Variants in DOCK9 observed in about 807,000 individuals in gnomAD.
DOCK9 encodes dedicator of cytokinesis 9.
Under a neutral mutation model 263.3 loss-of-function variants are expected in DOCK9, and 89 were observed. The ratio of observed to expected loss-of-function variants is 0.34; its 90% confidence interval spans 0.28 to 0.40. The LOEUF (loss-of-function observed/expected upper bound fraction) is 0.40, where lower values mean the gene tolerates loss of function less well. Ranked by LOEUF, DOCK9 falls within the 10% of genes least tolerant of loss-of-function variation. The probability of loss-of-function intolerance (pLI) is 1.00; values close to 1 mark genes in which losing one functional copy is unlikely to be tolerated. For missense variants in DOCK9, 2,140 were observed against 2,603.4 expected (o/e 0.82, Z 3.87); for synonymous variants, 976 against 973.1 (o/e 1.00, Z -0.06).
chr13:98,829,179 T>C lies in DOCK9; in HGVS notation c.4965+128A>G, dbSNP rs1367980813. 1 of 826,340 alleles carries C rather than the reference T, an allele frequency of 1.2e-6. No individual in the cohort carries two copies. Among genetic ancestry groups the C allele is most frequent in the Non-Finnish European group, 1.9e-6 (1 of 536,542 alleles). The allele number at this position is 826,340 out of a possible 1,614,324, so 51.2% of individuals were successfully genotyped here. A position where few individuals can be genotyped will look rare whatever the true frequency, so the allele number is the denominator to read the frequency against. Reference sequence around the variant, plus strand: ...AAGTCACCCTAAGCTTCATACTGTTTAAAGTTTTGCATACTTTTAATTGGT... The same window carrying C: ...AAGTCACCCTAAGCTTCATACTGTTCAAAGTTTTGCATACTTTTAATTGGT... On this transcript the variant is annotated intron_variant, in intron 43 of 52. Transcript: ENST00000682017. The surrounding 1 kb of genome is among the most constrained non-coding windows in gnomAD (Gnocchi z 4.1).
chr13:98,834,225 G>A (rs2092896187), intron 39 of DOCK9, among the ~76,000 whole-genome samples: 1 of 152,174 alleles, frequency 6.6e-6, no homozygotes. Context: ...CAGGAACACA[G>A]AGGAAAACAA....
intron 1 of DOCK9, among the ~76,000 whole-genome samples, chr13:98,964,320 A>G (rs930717722): frequency 6.6e-6 from 1 of 152,204 alleles, no homozygotes; most frequent in Non-Finnish European, 1.5e-5. Context: ...AGCACCCAGC[A>G]TAGCAGAAGC....
At position 98,825,719 on chromosome 13, in the gene DOCK9, C is replaced by G. The variant is rs2296985; in HGVS notation, c.5023+1111G>C. On this transcript the variant is annotated intron_variant, in intron 44 of 52. Coordinates refer to ENST00000682017, the MANE Select transcript of DOCK9 (RefSeq NM_001366683.2). This position sits in a 1 kb window ranked among gnomAD's most constrained non-coding sequence, Gnocchi z 4.1. ...CCAAGGTGCTTTCCTCTTGTGCCCA[C>G]AGGAATAGACCAGCCAACCAGAGAG... Among the ~76,000 whole-genome samples, 53,971 of 152,068 alleles carry G rather than the reference C, an allele frequency of 0.35. 11,100 individuals carry two copies. The highest frequency in any genetic ancestry group is 0.67 in the East Asian group (3,478 of 5,156).
At chr13:98,974,667 T>C (rs1472729139) in intron 1 of DOCK9, among the ~76,000 whole-genome samples, 1 of 140,572 alleles carries the variant, frequency 7.1e-6, no homozygotes, top group Non-Finnish European at 1.5e-5. Context: ...GGAGAATCGC[T>C]TGAACTCAGG....
At chr13:98,847,652 A>C (rs1447571172) in intron 37 of DOCK9, 3 of 152,228 alleles carry the variant, frequency 2.0e-5, no homozygotes, top group African/African-American at 7.2e-5. Context: ...GTCTACTAAA[A>C]ATCTCTGGCC....
intron 2 of DOCK9, among the ~76,000 whole-genome samples, chr13:98,940,561 G>C (rs966628673): frequency 1.3e-5 from 2 of 152,148 alleles, no homozygotes; most frequent in African/African-American, 4.8e-5. Flanking sequence ...ACTGCAGCTA[G>C]CTGGGCTGAG....
chr13:98,908,772 A>T (rs1218171879), intron 9 of DOCK9, among the ~76,000 whole-genome samples: 1 of 152,234 alleles, frequency 6.6e-6, no homozygotes, highest in East Asian at 1.9e-4. Context: ...GTGGGAATGG[A>T]GGATGAAGGG....
chr13:99,059,278 T>G (rs1316112582), intron 1 of DOCK9, among the ~76,000 whole-genome samples: 1 of 152,182 alleles, frequency 6.6e-6, no homozygotes, highest in Non-Finnish European at 1.5e-5. Flanking sequence ...AACACCTCAA[T>G]GGGCCTGTTC....
intron 45 of DOCK9, among the ~76,000 whole-genome samples, chr13:98,810,982 T>G (rs533435294): frequency 3.3e-5 from 5 of 152,352 alleles, no homozygotes; most frequent in Admixed American, 2.0e-4. Context: ...CTTGGAATTC[T>G]AAGAAATGCT....
Position 98,867,951 on chromosome 13 carries a change from A to G in DOCK9, c.3151T>C (p.Cys1051Arg), listed in dbSNP as rs2094081289. The change falls in exon 29 of 53, where the codon TGT (cysteine) becomes CGT (arginine). Residue 1051 changes from cysteine to arginine, a missense_variant. Cys to Arg is a radical substitution (Grantham distance 180, BLOSUM62 -3). This residue lies in a region of DOCK9 where 1,521 missense variants were observed against 1,741.7 expected (regional missense o/e 0.87). Coordinates refer to ENST00000682017, the MANE Select transcript of DOCK9 (RefSeq NM_001366683.2). ...ACCTTTGGGTCTCCAGGAGCAAAAC[A>G]GCTAATGTAGTTGTTGATCTGCTTG... ...VFKQINNYIS[C>R]FAPGDPKTLF... 1.2e-6 allele frequency: 2 copies of G among 1,613,728 alleles called. No homozygotes were observed. The highest frequency in any genetic ancestry group is 1.7e-6 in the Non-Finnish European group (2 of 1,179,822).
At chr13:98,990,521 C>G (rs1386161704) in intron 1 of DOCK9, among the ~76,000 whole-genome samples, 1 of 152,248 alleles carries the variant, frequency 6.6e-6, no homozygotes, top group African/African-American at 2.4e-5. Context: ...CATACTACTA[C>G]AGCTTATAGC....
In DOCK9 at chr13:98,880,147, C is replaced by A. The variant is rs797014082; in HGVS notation, c.2872-178G>T. Among the ~76,000 whole-genome samples, 7 of 151,982 alleles carry A rather than the reference C, an allele frequency of 4.6e-5. 1 individual carries two copies. In the South Asian group the frequency reaches 1.2e-3, roughly 27 times the overall value. ...GAATGGCAGATGTCTTCTGCTTGCA[C>A]AAGTTTAGCAACAAAGAGCTGCATC... On this transcript the variant is annotated intron_variant, in intron 26 of 52. Transcript: ENST00000682017.
At chr13:98,851,978 G>A (rs1052669611) in intron 35 of DOCK9, among the ~76,000 whole-genome samples, 3 of 152,136 alleles carry the variant, frequency 2.0e-5, no homozygotes, top group Non-Finnish European at 4.4e-5. Context: ...TTTTGAAGAG[G>A]TGGTTGCATT....
intron 9 of DOCK9, 79 bp from the exon 10 acceptor site, chr13:98,904,785 C>A: frequency 7.7e-7 from 1 of 1,300,976 alleles, no homozygotes; most frequent in Non-Finnish European, 1.1e-6. Flanking sequence ...TAAAAGCTGC[C>A]CAGTCCTGAA....
chr13:99,011,739 T>C (rs1026632030), intron 1 of DOCK9, among the ~76,000 whole-genome samples: 9 of 151,832 alleles, frequency 5.9e-5, no homozygotes, highest in Non-Finnish European at 8.8e-5. Context: ...TTAAGTAAAT[T>C]ACCCAAAGTC....
intron 4 of DOCK9, 87 bp from the exon 5 acceptor site, chr13:98,923,458 C>A: frequency 9.1e-7 from 1 of 1,093,042 alleles, no homozygotes; most frequent in Non-Finnish European, 1.4e-6. Flanking sequence ...AGGGCCCGGC[C>A]TTTACTAAAT....
chr13:98,881,476 C>A (rs187360045), intron 25 of DOCK9, 82 bp downstream of exon 25: 40 of 1,129,156 alleles, frequency 3.5e-5, no homozygotes, highest in Admixed American at 2.8e-4. Context: ...CTCAAATAAC[C>A]AGGCTTGTGA....
In DOCK9 at chr13:98,923,368, T is replaced by G; in HGVS notation, c.420A>C (p.Lys140Asn). Residue 140 changes from lysine to asparagine, a missense_variant, in exon 5 of 53, where the codon AAA becomes AAC. By Grantham distance (94) the Lys-to-Asn change is moderately conservative. Coordinates refer to ENST00000682017, the MANE Select transcript of DOCK9 (RefSeq NM_001366683.2). ...CTGGAAGTTTATCCAACTTGACCAC[T>G]TTGCTATAAAAACAACAAAGAAAAT... Reference protein sequence around the residue: ...YSGEFRQLPNKVVKLDKLPVH... With the variant: ...YSGEFRQLPNNVVKLDKLPVH... The G allele has an allele frequency of 6.2e-7, 1 of 1,613,706 alleles. No homozygotes were observed. Among genetic ancestry groups the G allele is most frequent in the African/African-American group, 1.3e-5 (1 of 75,040 alleles).
chr13:98,934,310 C>T (rs1473243709), intron 2 of DOCK9, among the ~76,000 whole-genome samples: 2 of 152,112 alleles, frequency 1.3e-5, no homozygotes, highest in African/African-American at 4.8e-5. Flanking sequence ...ACAGGAAGTA[C>T]AAGGTAGCCA....
Sources: gnomAD v4.1 joint callset for allele counts (sites outside exome capture counted in the v4.1 genomes callset) on GRCh38, gnomAD v4.1.1 for gene constraint, gnomAD v4.1.1 regional missense constraint, Gnocchi (gnomAD v3.1) non-coding constraint, MANE v1.5 for transcripts, NCBI Gene and HGNC (gene_info 2026-07-23, HGNC 2026-07-21) for gene names.